ZNF688: variants seen among roughly 807,000 people sequenced by gnomAD.
The protein encoded by ZNF688 is zinc finger protein 688.
Under a neutral mutation model 13.2 loss-of-function variants are expected in ZNF688, and 10 were observed. The ratio of observed to expected loss-of-function variants is 0.76; its 90% CI spans 0.47 to 1.28. The LOEUF (loss-of-function observed/expected upper bound fraction) is 1.28. Ranked by LOEUF, ZNF688 falls within the 50% of genes most tolerant of loss-of-function variation. The pLI, the probability that ZNF688 is intolerant of heterozygous loss-of-function variation, is 0.00. For synonymous variants in ZNF688, 160 were observed against 159.4 expected (o/e 1.00, Z -0.03); for missense variants, 381 against 391.4 (o/e 0.97, Z 0.22).
upstream of ZNF688, among the ~76,000 whole-genome samples, chr16:30,574,154 C>T (rs1428868918): frequency 3.3e-5 from 5 of 151,870 alleles, no homozygotes; most frequent in African/African-American, 4.8e-5. Flanking sequence ...GGCTGAGGCA[C>T]AAGAATTCCT....
upstream of ZNF688, chr16:30,571,762 C>A: frequency 7.5e-7 from 1 of 1,334,112 alleles, no homozygotes; most frequent in Non-Finnish European, 9.5e-7. Context: ...GCCGAGGCAA[C>A]CGAAGTAGCA....
In ZNF688 at chr16:30,570,324, G is replaced by C; in HGVS notation, c.423C>G (p.Asp141Glu). 1 of 1,614,142 alleles carries C rather than the reference G, an allele frequency of 6.2e-7. No homozygotes were observed. Among genetic ancestry groups the C allele is most frequent in the South Asian group, 1.1e-5 (1 of 91,086 alleles). Residue 141 changes from aspartate (D) to glutamate (E), a missense_variant, in exon 3 of 3, where the codon GAC (aspartate) becomes GAG (glutamate). Transcript: ENST00000223459. ...SPEVLVERNP[D>E]PAISVAPARA... ...GTGCCGGGGCCACGCTAATAGCTGG[G>C]TCAGGGTTGCGTTCCACCAGCACTT... is the stretch of plus-strand genomic sequence containing the variant.
At chr16:30,571,313 G>C (rs1382934523) in intron 1 of ZNF688, 121 bp downstream of exon 1, 1 of 1,536,060 alleles carries the variant, frequency 6.5e-7, no homozygotes, top group Non-Finnish European at 8.7e-7. Flanking sequence ...GGGAACGGGA[G>C]GTGGCTGCTG....
chr16:30,570,828 G>C (rs2051664903), intron 2 of ZNF688, 182 bp downstream of exon 2: 1 of 697,768 alleles, frequency 1.4e-6, no homozygotes, highest in African/African-American at 1.8e-5. Context: ...TGGGCTCCCA[G>C]TCCTCACAGG....
At chr16:30,577,817 A>T in the ZNF688 span, among the ~76,000 whole-genome samples, 1 of 151,782 alleles carries the variant, frequency 6.6e-6, no homozygotes, top group Non-Finnish European at 1.5e-5. Flanking sequence ...CAAGTAGCTG[A>T]AAACAGCACA....
At chr16:30,572,647 C>A (rs1454070838), upstream of ZNF688, 1 of 169,214 alleles carries the variant, frequency 5.9e-6, no homozygotes, top group Non-Finnish European at 1.3e-5. Flanking sequence ...TCCTAGCTCA[C>A]TGCAGACTCG....
chr16:30,570,630 G>A (rs2051660245), intron 2 of ZNF688, 194 bp from the exon 3 acceptor site: 12 of 624,828 alleles, frequency 1.9e-5, no homozygotes, highest in Non-Finnish European at 3.2e-5. Context: ...GCATCAAATG[G>A]GAATAATAAT....
chr16:30,577,399 T>A (rs1156672212), upstream of ZNF688, among the ~76,000 whole-genome samples: 2 of 150,504 alleles, frequency 1.3e-5, no homozygotes, highest in Non-Finnish European at 1.5e-5. Flanking sequence ...TTTTTTTTTT[T>A]AGATGGAGTC....
chr16:30,578,324 C>A, the ZNF688 span: 2 of 152,160 alleles, frequency 1.3e-5, no homozygotes, highest in South Asian at 2.1e-4. Flanking sequence ...TATAGTGAGA[C>A]CCTGTCTCAA....
chr16:30,570,720 CTAT>C (rs1316425935), intron 2 of ZNF688: 2 of 325,990 alleles, frequency 6.1e-6, no homozygotes, highest in Non-Finnish European at 1.1e-5. Flanking sequence ...GAAGCAGGGG[CTAT>C]TATTTATTTA....
At chr16:30,573,015 T>C (rs947933869), upstream of ZNF688, among the ~76,000 whole-genome samples, 7 of 152,188 alleles carry the variant, frequency 4.6e-5, no homozygotes, top group Non-Finnish European at 8.8e-5. Flanking sequence ...CAAGCGATTC[T>C]CCTGCCTCAG....
upstream of ZNF688, chr16:30,572,224 G>A (rs1421303985): frequency 2.5e-6 from 4 of 1,602,442 alleles, no homozygotes; most frequent in Non-Finnish European, 3.4e-6. Context: ...AAGGGACCCC[G>A]CGGTCCTGAA....
upstream of ZNF688, chr16:30,571,809 G>A (rs1477218627): frequency 2.3e-6 from 3 of 1,315,354 alleles, no homozygotes; most frequent in Non-Finnish European, 2.9e-6. Flanking sequence ...TTCTGATAGG[G>A]ACAAATATAA....
In ZNF688 at chr16:30,571,684, C is replaced by A; in HGVS notation, c.-55G>T. ...CAGGTCCCTGGAGCCGCCGCCTCCCCGCTCCCGGCCTCAGCTGTCGTTGTC... is the reference window on the plus strand; with the variant it reads ...CAGGTCCCTGGAGCCGCCGCCTCCCAGCTCCCGGCCTCAGCTGTCGTTGTC... On this transcript the variant is annotated 5_prime_UTR_variant, in exon 1 of 3. Transcript: ENST00000223459. 1 of 1,359,308 alleles carries A rather than the reference C, an allele frequency of 7.4e-7. No homozygotes were observed. Among genetic ancestry groups the A allele is most frequent in the Non-Finnish European group, 9.4e-7 (1 of 1,060,918 alleles). The allele number at this position is 1,359,308 out of a possible 1,614,324, so 84.2% of individuals were successfully genotyped here.
At chr16:30,578,913 C>T in the ZNF688 span, 3 of 150,470 alleles carry the variant, frequency 2.0e-5, no homozygotes, top group African/African-American at 7.3e-5. Flanking sequence ...AACTCCTGGG[C>T]TCAAGCTATC....
chr16:30,575,248 CTTTT>C (rs35676278), upstream of ZNF688, among the ~76,000 whole-genome samples: 2 of 139,874 alleles, frequency 1.4e-5, no homozygotes, highest in Admixed American at 7.2e-5. Flanking sequence ...CATGGTAGTT[CTTTT>C]TTTTTTTTTT....
chr16:30,570,286 G>C lies in ZNF688; in HGVS notation c.461C>G (p.Pro154Arg), dbSNP rs200311452. ...ISVAPARAQP[P>R]KNAAWDPTTG... ...GGTCGGGTCCCAGGCAGCATTTTTG[G>C]GTGGCTGTGCCCGTGCCGGGGCCAC... The change falls in exon 3 of 3, where the codon CCC becomes CGC. Residue 154 changes from proline (P) to arginine (R), a missense_variant. Transcript: ENST00000223459. 155 of 1,613,812 alleles carry C rather than the reference G, an allele frequency of 9.6e-5. No homozygotes were observed. The highest frequency in any genetic ancestry group is 1.6e-4 in the Middle Eastern group (1 of 6,076).
upstream of ZNF688, among the ~76,000 whole-genome samples, chr16:30,575,447 A>T (rs979762803): frequency 2.0e-5 from 3 of 151,870 alleles, no homozygotes; most frequent in Non-Finnish European, 4.4e-5. Flanking sequence ...GGGTTTTGCC[A>T]TGTTGGCTAG....
upstream of ZNF688, chr16:30,571,785 T>C (rs1303700713): frequency 3.0e-6 from 4 of 1,322,444 alleles, no homozygotes; most frequent in Non-Finnish European, 3.8e-6. Flanking sequence ...GACTGGCTGC[T>C]AGGGATTCGA....
Sources: allele counts gnomAD v4.1 joint callset (sites outside exome capture counted in the v4.1 genomes callset), GRCh38; gene constraint gnomAD v4.1.1; transcripts MANE v1.5; gene names NCBI Gene and HGNC (gene_info 2026-07-23, HGNC 2026-07-21).